THSD7B: variants seen among roughly 807,000 people sequenced by gnomAD.
THSD7B encodes thrombospondin type-1 domain-containing protein 7B.
A neutral mutation model predicts 213.6 loss-of-function variants in THSD7B; 138 were observed. That is an observed-to-expected ratio of 0.65 (90% CI 0.56 to 0.74). The LOEUF (loss-of-function observed/expected upper bound fraction) is 0.74. THSD7B is among the 30% of genes least tolerant of loss of function. The pLI is 0.00. For synonymous variants in THSD7B, 742 were observed against 687.0 expected, an observed-to-expected ratio of 1.08 and a Z score of -1.25; for missense variants, 1,931 against 1,991.5, an observed-to-expected ratio of 0.97 and a Z score of 0.58.
At chr2:137,010,526 C>T (rs900658363) in intron 2 of THSD7B, among the ~76,000 whole-genome samples, 6 of 152,148 alleles carry the variant, frequency 3.9e-5, no homozygotes, top group Admixed American at 6.5e-5. Flanking sequence ...TTGTAGTTAT[C>T]GTTTCCATTT....
At chr2:137,658,132 G>C (rs150110176) in intron 24 of THSD7B, among the ~76,000 whole-genome samples, 14 of 152,330 alleles carry the variant, frequency 9.2e-5, no homozygotes, top group Non-Finnish European at 1.9e-4. Context: ...TAGAAGTATT[G>C]TCAGCTCCTC....
intron 15 of THSD7B, among the ~76,000 whole-genome samples, chr2:137,558,270 T>C (rs1251654542): frequency 1.3e-5 from 2 of 152,072 alleles, no homozygotes; most frequent in East Asian, 3.9e-4. Context: ...AAAAAGAAAA[T>C]TTTAGACCAA....
intron 1 of THSD7B, among the ~76,000 whole-genome samples, chr2:136,878,073 C>T (rs1683553794): frequency 2.0e-5 from 3 of 152,068 alleles, no homozygotes; most frequent in South Asian, 4.1e-4. Context: ...CTCCCACTTT[C>T]CCCCACCCCA....
chr2:137,462,116 C>T (rs1687896913), intron 15 of THSD7B, among the ~76,000 whole-genome samples: 1 of 152,046 alleles, frequency 6.6e-6, no homozygotes, highest in Non-Finnish European at 1.5e-5. Flanking sequence ...TTACATTGTG[C>T]AGCATCCTGC....
intron 2 of THSD7B, among the ~76,000 whole-genome samples, chr2:137,005,676 A>G (rs1052444033): frequency 1.3e-5 from 2 of 152,350 alleles, no homozygotes; most frequent in East Asian, 3.9e-4. Context: ...TAGGCTTTTC[A>G]ATTATACAAA....
intron 2 of THSD7B, among the ~76,000 whole-genome samples, chr2:136,927,431 G>T (rs1573715324): frequency 6.6e-6 from 1 of 152,080 alleles, no homozygotes; most frequent in African/African-American, 2.4e-5. Flanking sequence ...CTAACAAGAG[G>T]TTTTTCCTCT....
chr2:137,673,634 C>T (rs1683629444), intron 27 of THSD7B, among the ~76,000 whole-genome samples: 2 of 152,186 alleles, frequency 1.3e-5, no homozygotes, highest in African/African-American at 4.8e-5. Context: ...TAAAGACAAG[C>T]CTCCTAGTTG....
At chr2:136,863,976 C>T (rs1683293882) in intron 1 of THSD7B, among the ~76,000 whole-genome samples, 1 of 152,156 alleles carries the variant, frequency 6.6e-6, no homozygotes, top group Non-Finnish European at 1.5e-5. Flanking sequence ...GATGGTGGCT[C>T]TGTGTTTAGA....
At chr2:137,325,994 C>A (rs563043675) in intron 12 of THSD7B, among the ~76,000 whole-genome samples, 1 of 152,192 alleles carries the variant, frequency 6.6e-6, no homozygotes, top group Non-Finnish European at 1.5e-5. Context: ...TCTTAGAAGC[C>A]TTCTGAAATC....
At chr2:137,536,677 A>T (rs572096890) in intron 15 of THSD7B, among the ~76,000 whole-genome samples, 6 of 149,012 alleles carry the variant, frequency 4.0e-5, no homozygotes, top group East Asian at 2.0e-4. Flanking sequence ...AACAAGATTT[A>T]AAAAAAAAAG....
At chr2:137,182,267 A>G (rs552721483) in intron 7 of THSD7B, among the ~76,000 whole-genome samples, 16 of 152,320 alleles carry the variant, frequency 1.1e-4, no homozygotes, top group African/African-American at 3.6e-4. Flanking sequence ...AATCATTTCC[A>G]TGCAATATTT....
At position 136,871,845 on chromosome 2, in the gene THSD7B, A is replaced by G. The variant is rs75998418; in HGVS notation, c.-35-10299A>G. ...CAGTGAGAACAAATCCACTTACAGA[A>G]CTTCCTTCTATGCAATTGCCATCAT... On this transcript the variant is annotated intron_variant, in intron 1 of 27. Transcript: ENST00000409968. Among the ~76,000 whole-genome samples, 603 of 152,292 alleles carry G rather than the reference A, an allele frequency of 4.0e-3. 25 individuals are homozygous for G. In the East Asian group the frequency reaches 0.088, roughly 22 times the overall value.
intron 1 of THSD7B, among the ~76,000 whole-genome samples, chr2:136,855,213 A>G (rs1361849212): frequency 2.0e-5 from 3 of 152,102 alleles, no homozygotes; most frequent in Non-Finnish European, 4.4e-5. Flanking sequence ...GTATGAAGTG[A>G]AGAGTGGGTA....
rs1434520479 is a variant in THSD7B at position 136,940,700 on chromosome 2, C to CAT, written c.139+58383_139+58384insAT. Among the ~76,000 whole-genome samples, 17 of 134,724 alleles carry CAT rather than the reference C, an allele frequency of 1.3e-4. No homozygotes were observed. In the East Asian group the frequency reaches 1.3e-3, roughly 10 times the overall value. 88.4% of individuals were successfully genotyped at this position (134,724 alleles called of 152,430 possible). ...AGCCACCGTGTCTGGCTGAGACATACGTGTGTGTGTGTATATATATATATA... is the reference window on the plus strand; with the variant it reads ...AGCCACCGTGTCTGGCTGAGACATACATGTGTGTGTGTGTATATATATATATA... On this transcript the variant is annotated intron_variant, in intron 2 of 27. Transcript: ENST00000409968.
chr2:137,627,255 C>T (rs142520529), intron 20 of THSD7B, among the ~76,000 whole-genome samples: 62 of 152,346 alleles, frequency 4.1e-4, no homozygotes, highest in African/African-American at 1.4e-3. Context: ...GAATCCTCAC[C>T]TATGACCCAA....
At chr2:137,108,707 C>T (rs1285556237) in intron 4 of THSD7B, among the ~76,000 whole-genome samples, 1 of 152,124 alleles carries the variant, frequency 6.6e-6, no homozygotes. Context: ...AGAATGATAA[C>T]ATATTAAATC....
chr2:136,769,832 C>G (rs1681473201), intron 1 of THSD7B, among the ~76,000 whole-genome samples: 1 of 151,726 alleles, frequency 6.6e-6, no homozygotes, highest in Non-Finnish European at 1.5e-5. Context: ...AAAATGTTTC[C>G]TGCATGAATA....
At chr2:136,884,856 G>GT (rs1683690042) in intron 2 of THSD7B, among the ~76,000 whole-genome samples, 3 of 151,670 alleles carry the variant, frequency 2.0e-5, no homozygotes, top group Non-Finnish European at 4.4e-5. Context: ...GTGGTTTCTA[G>GT]TTTTTTTGCT....
intron 12 of THSD7B, among the ~76,000 whole-genome samples, chr2:137,389,717 T>C (rs1685977867): frequency 6.6e-6 from 1 of 152,062 alleles, no homozygotes; most frequent in South Asian, 2.1e-4. Flanking sequence ...TATGCTTAGG[T>C]TTTAAACAAT....
Sources: gnomAD v4.1 joint callset for allele counts (sites outside exome capture counted in the v4.1 genomes callset) on GRCh38, gnomAD v4.1.1 for gene constraint, MANE v1.5 for transcripts, NCBI Gene and HGNC (gene_info 2026-07-23, HGNC 2026-07-21) for gene names.